PATL2: variants seen among roughly 807,000 people sequenced by gnomAD.
PATL2 encodes the protein protein PAT1 homolog 2.
In PATL2, 73 loss-of-function variants were observed where a neutral mutation model predicts 77.0. The ratio of observed to expected loss-of-function variants is 0.95; its 90% CI spans 0.78 to 1.15. The LOEUF is 1.15. PATL2 is among the 50% of genes most tolerant of loss of function. The probability of loss-of-function intolerance (pLI) is 0.00; values close to 1 mark genes in which losing one functional copy is unlikely to be tolerated. For missense variants in PATL2, 618 were observed against 655.4 expected (o/e 0.94, Z 0.62); for synonymous variants, 265 against 257.1 (o/e 1.03, Z -0.29).
intron 3 of PATL2, among the ~76,000 whole-genome samples, chr15:44,688,258 A>C (rs2086307252): frequency 6.6e-6 from 1 of 150,534 alleles, no homozygotes; most frequent in Admixed American, 6.6e-5. Context: ...AAAAAAAAAA[A>C]AAAACTAGCT....
In PATL2 at chr15:44,669,853, A is replaced by G; in HGVS notation, c.800T>C (p.Leu267Pro). The change falls in exon 11 of 18, where the codon CTG (leucine) becomes CCG (proline). Residue 267 changes from leucine to proline, a missense_variant. Leu to Pro is a moderately conservative substitution (Grantham distance 98, BLOSUM62 -3). Coordinates refer to ENST00000682850, the MANE Select transcript of PATL2 (RefSeq NM_001387263.1). ...YESVVRIEGS[L>P]GQVAVSTCFS... Reference sequence around the variant, plus strand: ...GCATGTCGACACAGCTACCTGGCCCAGGGAACCCTCGATTCGGACCACTGC... The same window carrying G: ...GCATGTCGACACAGCTACCTGGCCCGGGGAACCCTCGATTCGGACCACTGC... The G allele has an allele frequency of 6.4e-7, 1 of 1,551,618 alleles. No individual in the cohort carries two copies.
intron 3 of PATL2, among the ~76,000 whole-genome samples, chr15:44,693,502 A>G (rs999795444): frequency 6.6e-6 from 1 of 152,162 alleles, no homozygotes; most frequent in African/African-American, 2.4e-5. Context: ...TCTCTGCTTT[A>G]AAGGACCCCT....
chr15:44,673,469 T>G, intron 6 of PATL2, 92 bp from the exon 7 acceptor site: 2 of 1,465,928 alleles, frequency 1.4e-6, no homozygotes, highest in East Asian at 5.0e-5. Context: ...TCCTACCTTT[T>G]CCCCTCAAGA....
chr15:44,700,565 G>T (rs2086606513), intron 3 of PATL2, among the ~76,000 whole-genome samples: 1 of 152,148 alleles, frequency 6.6e-6, no homozygotes, highest in African/African-American at 2.4e-5. Flanking sequence ...GCCTCCCAAA[G>T]TGCTGGGATT....
intron 3 of PATL2, among the ~76,000 whole-genome samples, chr15:44,683,034 C>A (rs1255757043): frequency 1.3e-5 from 2 of 152,162 alleles, no homozygotes; most frequent in South Asian, 2.1e-4. Flanking sequence ...AGGGACTGTG[C>A]CTTGAGGGAC....
chr15:44,674,055 T>G, intron 6 of PATL2, 95 bp downstream of exon 6: 1 of 1,187,256 alleles, frequency 8.4e-7, no homozygotes, highest in Non-Finnish European at 1.2e-6. Flanking sequence ...ATACCTCACT[T>G]TGGGTGCCTT....
At chr15:44,669,937 C>G (rs1261687542) in intron 10 of PATL2, 30 bp downstream of exon 10, 1 of 1,549,520 alleles carries the variant, frequency 6.5e-7, no homozygotes, top group African/African-American at 1.4e-5. Context: ...AGATGCCCAG[C>G]CCAAGTCAGC....
At chr15:44,666,981 G>A in intron 16 of PATL2, 125 bp downstream of exon 16, 1 of 749,750 alleles carries the variant, frequency 1.3e-6, no homozygotes, top group Non-Finnish European at 2.2e-6. Context: ...CTACAACACT[G>A]CTACTACTTT....
intron 3 of PATL2, among the ~76,000 whole-genome samples, chr15:44,694,529 T>G (rs1209946358): frequency 6.6e-6 from 1 of 152,136 alleles, no homozygotes; most frequent in Non-Finnish European, 1.5e-5. Flanking sequence ...ACTCCTTGTG[T>G]GTGTGTCTGT....
intron 3 of PATL2, among the ~76,000 whole-genome samples, 60 bp downstream of exon 3, chr15:44,710,036 A>G (rs2086821316): frequency 6.6e-6 from 1 of 152,240 alleles, no homozygotes; most frequent in Non-Finnish European, 1.5e-5. Flanking sequence ...GGGCTGGTAG[A>G]AAAACTAGGT....
intron 3 of PATL2, among the ~76,000 whole-genome samples, chr15:44,701,190 T>C (rs965054626): frequency 6.6e-6 from 1 of 152,038 alleles, no homozygotes; most frequent in African/African-American, 2.4e-5. Context: ...ATCACTTTAA[T>C]GTGTTGTTGA....
chr15:44,676,340 A>G, intron 4 of PATL2, 135 bp downstream of exon 4: 2 of 812,826 alleles, frequency 2.5e-6, no homozygotes, highest in Non-Finnish European at 4.2e-6. Context: ...GTCACCCATT[A>G]TGATATAATT....
chr15:44,668,738 T>G (rs1018554041), intron 14 of PATL2, among the ~76,000 whole-genome samples: 5 of 152,164 alleles, frequency 3.3e-5, no homozygotes, highest in African/African-American at 1.2e-4. Context: ...TACTCAGACC[T>G]CCTCAGCACA....
intron 9 of PATL2, among the ~76,000 whole-genome samples, chr15:44,671,643 T>C (rs2085682593): frequency 6.6e-6 from 1 of 152,210 alleles, no homozygotes; most frequent in Non-Finnish European, 1.5e-5. Context: ...AATCCCACTA[T>C]TTATAACATC....
chr15:44,680,982 A>G lies in PATL2; in HGVS notation c.-75-4417T>C, dbSNP rs553337535. 4.4e-3 allele frequency among the ~76,000 whole-genome samples: 664 copies of G among 152,254 alleles called. 6 individuals carry two copies. The highest frequency in any genetic ancestry group is 0.015 in the African/African-American group (632 of 41,552). On this transcript the variant is annotated intron_variant, in intron 3 of 17. Transcript: ENST00000682850. ...AAGTATATCTGGAGCTAACATTACT[A>G]GTTACTCCGCAGAGACTTTTCTCAA...
At chr15:44,693,022 A>T (rs1371334467) in intron 3 of PATL2, among the ~76,000 whole-genome samples, 2 of 152,230 alleles carry the variant, frequency 1.3e-5, no homozygotes, top group African/African-American at 4.8e-5. Flanking sequence ...GGAGCTGATG[A>T]TAACCTGCCT....
chr15:44,675,358 A>G, intron 5 of PATL2, 128 bp downstream of exon 5: 1 of 1,116,140 alleles, frequency 9.0e-7, no homozygotes, highest in South Asian at 1.7e-5. Context: ...TTCAAGGCTT[A>G]AAAAGAAAGT....
chr15:44,669,240 C>T, intron 13 of PATL2, 40 bp downstream of exon 13: 1 of 1,536,074 alleles, frequency 6.5e-7, no homozygotes, highest in Non-Finnish European at 8.8e-7. Context: ...TTTGCTGCTC[C>T]TTCCCTTCCT....
At chr15:44,698,560 A>G (rs1377580862) in intron 3 of PATL2, among the ~76,000 whole-genome samples, 1 of 152,038 alleles carries the variant, frequency 6.6e-6, no homozygotes, top group Non-Finnish European at 1.5e-5. Context: ...TGCAAATGAC[A>G]AGAATTCACC....
Sources: allele counts gnomAD v4.1 joint callset (sites outside exome capture counted in the v4.1 genomes callset), GRCh38; gene constraint gnomAD v4.1.1; transcripts MANE v1.5; gene names NCBI Gene and HGNC (gene_info 2026-07-23, HGNC 2026-07-21).